The following CTNNA2 variants were observed in gnomAD, a reference collection of about 807,000 sequenced individuals.
CTNNA2 encodes catenin alpha-2.
Under a neutral mutation model 101.0 loss-of-function variants are expected in CTNNA2, and 42 were observed. The observed-to-expected ratio is 0.42, with a 90% CI of 0.32 to 0.54. The LOEUF (loss-of-function observed/expected upper bound fraction) is 0.54. Among genes scored for constraint, CTNNA2 ranks in the 20% least tolerant of loss-of-function variants. The pLI is 0.14. For missense variants in CTNNA2, 871 were observed against 1,223.1 expected, an observed-to-expected ratio of 0.71 and a Z score of 4.29; for synonymous variants, 450 against 456.4, an observed-to-expected ratio of 0.99 and a Z score of 0.18.
chr2:79,459,395 A>AT (rs201829130), intron 4 of CTNNA2, among the ~76,000 whole-genome samples: 1,946 of 149,088 alleles, frequency 0.013, 77 homozygotes, highest in East Asian at 0.13. Context: ...AGTAAAAAGG[A>AT]TTTTTTTTTT....
In CTNNA2 at chr2:79,802,006, AAAAAAAATG is replaced by A. The variant is rs1212988033; in HGVS notation, c.299-56000_299-55992del. The stretch of plus-strand genomic sequence containing the variant: ...AAACTCTGTCTCAAAAAAAAAAAAA[AAAAAAAATG>A]AAAAAAGAAAGAAAGAAAAAAAGCT... On this transcript the variant is annotated intron_variant, in intron 3 of 18. Coordinates refer to ENST00000402739, the MANE Select transcript of CTNNA2 (RefSeq NM_001282597.3). Among the ~76,000 whole-genome samples the A allele has an allele frequency of 6.6e-5, 10 of 151,172 alleles. No homozygotes were observed. The East Asian group carries it at 1.9e-3, about 29-fold the overall frequency.
chr2:79,895,066 C>G (rs886366796), intron 6 of CTNNA2, among the ~76,000 whole-genome samples: 1 of 152,118 alleles, frequency 6.6e-6, no homozygotes, highest in Admixed American at 6.5e-5. Flanking sequence ...TGAGTTAACT[C>G]TCTTAGGGCT....
chr2:80,106,264 C>G (rs1283559265), intron 7 of CTNNA2, among the ~76,000 whole-genome samples: 1 of 152,098 alleles, frequency 6.6e-6, no homozygotes, highest in African/African-American at 2.4e-5. Flanking sequence ...TGGAGTTTGC[C>G]AAAGTTCATC....
At chr2:79,365,386 G>T (rs554790869) in intron 3 of CTNNA2, among the ~76,000 whole-genome samples, 16 of 152,156 alleles carry the variant, frequency 1.1e-4, no homozygotes, top group Admixed American at 2.0e-4. Context: ...ACTCTGGGAG[G>T]CCAAGGCAGG....
In CTNNA2 at chr2:80,199,048, G is replaced by A. The variant is rs538109479; in HGVS notation, c.1057-194163G>A. Among the ~76,000 whole-genome samples, 28 of 151,910 alleles carry A rather than the reference G, an allele frequency of 1.8e-4. 1 individual carries two copies. The South Asian group carries it at 5.2e-3, about 28-fold the overall frequency. On this transcript the variant is annotated intron_variant, in intron 7 of 18. Coordinates refer to ENST00000402739, the MANE Select transcript of CTNNA2 (RefSeq NM_001282597.3). ...ATAAAAAAATTAGCTGGGTGTGGTG[G>A]TGCATGCCTGTAATCTCAGCTACTT...
chr2:80,212,661 A>G (rs1360341902), intron 7 of CTNNA2, among the ~76,000 whole-genome samples: 1 of 152,146 alleles, frequency 6.6e-6, no homozygotes, highest in African/African-American at 2.4e-5. Flanking sequence ...TTCATCAGGG[A>G]TACTAGTCTA....
chr2:80,120,998 G>T (rs12994129), intron 7 of CTNNA2, among the ~76,000 whole-genome samples: 4 of 152,154 alleles, frequency 2.6e-5, no homozygotes, highest in African/African-American at 4.8e-5. Flanking sequence ...GGCTAATGAA[G>T]GCATCTACTC....
At chr2:79,377,976 G>A (rs903012195) in intron 4 of CTNNA2, among the ~76,000 whole-genome samples, 7 of 152,090 alleles carry the variant, frequency 4.6e-5, no homozygotes, top group African/African-American at 1.7e-4. Context: ...AAAATCTAAT[G>A]TTTTTCATCA....
At position 79,252,507 on chromosome 2, in the gene CTNNA2, T is replaced by C. The variant is rs1434808284; in HGVS notation, c.-406+54431T>C. Among the ~76,000 whole-genome samples the C allele has an allele frequency of 6.3e-4, 96 of 152,140 alleles. 1 individual carries two copies. The highest frequency in any genetic ancestry group is 6.3e-3 in the Admixed American group (96 of 15,258). On this transcript the variant is annotated intron_variant, in intron 2 of 21. Transcript: ENST00000466387. ...TTATTTTTAATGTACAATGTATAGGTATAACTTGATTTAGGTATAACTTGA... is the reference window on the plus strand; with the variant it reads ...TTATTTTTAATGTACAATGTATAGGCATAACTTGATTTAGGTATAACTTGA...
At chr2:80,572,405 T>G (rs900373202) in intron 12 of CTNNA2, among the ~76,000 whole-genome samples, 9 of 152,184 alleles carry the variant, frequency 5.9e-5, no homozygotes, top group African/African-American at 1.9e-4. Context: ...CTTTATCAGT[T>G]ATATCCATAG....
chr2:79,405,218 T>C (rs943554708), intron 4 of CTNNA2, among the ~76,000 whole-genome samples: 8 of 152,062 alleles, frequency 5.3e-5, no homozygotes, highest in African/African-American at 1.7e-4. Flanking sequence ...TGAAGTTCCA[T>C]GCATGCTATA....
intron 3 of CTNNA2, among the ~76,000 whole-genome samples, chr2:79,323,035 T>G (rs1676660542): frequency 6.6e-6 from 1 of 152,154 alleles, no homozygotes; most frequent in African/African-American, 2.4e-5. Flanking sequence ...ATGCTAGGAA[T>G]AAGAGGAGCA....
chr2:79,261,884 A>G (rs1674926836), intron 2 of CTNNA2, among the ~76,000 whole-genome samples: 1 of 152,226 alleles, frequency 6.6e-6, no homozygotes, highest in African/African-American at 2.4e-5. Context: ...CTAGTTTTTC[A>G]CATACTGCCT....
intron 6 of CTNNA2, among the ~76,000 whole-genome samples, chr2:79,893,124 A>G (rs1419512623): frequency 6.6e-6 from 1 of 152,138 alleles, no homozygotes; most frequent in Non-Finnish European, 1.5e-5. Flanking sequence ...GGTAGTAAAA[A>G]AATATTTGAG....
chr2:79,504,174 T>A (rs1671362252), intron 4 of CTNNA2, among the ~76,000 whole-genome samples: 1 of 152,188 alleles, frequency 6.6e-6, no homozygotes, highest in Admixed American at 6.5e-5. Context: ...TATTCTAATG[T>A]GAGTACTAAA....
chr2:80,313,810 T>C (rs1316583794), intron 7 of CTNNA2, among the ~76,000 whole-genome samples: 1 of 152,160 alleles, frequency 6.6e-6, no homozygotes, highest in African/African-American at 2.4e-5. Flanking sequence ...CTGAAAGCAA[T>C]GAGAGCAGTT....
intron 2 of CTNNA2, among the ~76,000 whole-genome samples, chr2:79,244,241 C>T (rs1383369849): frequency 6.6e-6 from 1 of 152,204 alleles, no homozygotes; most frequent in Non-Finnish European, 1.5e-5. Context: ...TCACCCAGAA[C>T]TCCACCTGCA....
chr2:79,599,547 CTG>C (rs1278058936), intron 1 of CTNNA2, among the ~76,000 whole-genome samples: 1 of 152,036 alleles, frequency 6.6e-6, no homozygotes, highest in East Asian at 1.9e-4. Flanking sequence ...TGCAATAAGA[CTG>C]TTTGGACACT....
Position 80,292,544 on chromosome 2 carries a change from G to T in CTNNA2, c.1057-100667G>T, listed in dbSNP as rs150222332. On this transcript the variant is annotated intron_variant, in intron 7 of 18. Coordinates refer to ENST00000402739, the MANE Select transcript of CTNNA2 (RefSeq NM_001282597.3). ...TCTTAAGGATTTTGCAGGTTGCCAG[G>T]CACCTAGCAAGTAAAATATATGATT... is the stretch of plus-strand genomic sequence containing the variant. Among the ~76,000 whole-genome samples the T allele has an allele frequency of 7.9e-5, 12 of 152,252 alleles. No homozygotes were observed. The East Asian group carries it at 1.9e-3, about 25-fold the overall frequency.
Sources: gnomAD v4.1 joint callset for allele counts (sites outside exome capture counted in the v4.1 genomes callset) on GRCh38, gnomAD v4.1.1 for gene constraint, MANE v1.5 for transcripts, NCBI Gene and HGNC (gene_info 2026-07-23, HGNC 2026-07-21) for gene names.